Variants in GALNTL6 observed in about 807,000 individuals in gnomAD.
GALNTL6 encodes polypeptide N-acetylgalactosaminyltransferase-like 6.
A neutral mutation model predicts 73.7 loss-of-function variants in GALNTL6; 46 were observed. That is an observed-to-expected ratio of 0.62 (90% CI 0.49 to 0.80). The LOEUF is 0.80. Ranked by LOEUF, GALNTL6 falls within the 30% of genes least tolerant of loss-of-function variation. The probability of loss-of-function intolerance (pLI) is 0.00; values close to 1 mark genes in which losing one functional copy is unlikely to be tolerated. For synonymous variants in GALNTL6, 259 were observed against 263.7 expected, an observed-to-expected ratio of 0.98 and a Z score of 0.17; for missense variants, 604 against 755.0, an observed-to-expected ratio of 0.80 and a Z score of 2.34.
intron 2 of GALNTL6, among the ~76,000 whole-genome samples, chr4:171,948,254 G>T (rs1444002037): frequency 6.6e-6 from 1 of 152,122 alleles, no homozygotes; most frequent in Non-Finnish European, 1.5e-5. Context: ...AAACCACTTT[G>T]GGGTATGAGT....
chr4:172,707,282 T>G (rs553301079), intron 5 of GALNTL6, among the ~76,000 whole-genome samples: 66 of 152,308 alleles, frequency 4.3e-4, no homozygotes, highest in Admixed American at 1.6e-3. Context: ...TTTAAAAATT[T>G]TCTCAGAAGA....
intron 5 of GALNTL6, among the ~76,000 whole-genome samples, chr4:172,400,507 A>T (rs1404823543): frequency 6.6e-6 from 1 of 152,164 alleles, no homozygotes; most frequent in Non-Finnish European, 1.5e-5. Context: ...GTATGTTAAA[A>T]ATGCATGTTA....
chr4:172,606,564 T>C (rs28676721), intron 5 of GALNTL6, among the ~76,000 whole-genome samples: 82,289 of 135,674 alleles, frequency 0.61, 25,587 homozygotes, highest in Non-Finnish European at 0.64. Context: ...TATATATATA[T>C]ACATATACAT....
chr4:172,470,809 A>G (rs879819588), intron 5 of GALNTL6, among the ~76,000 whole-genome samples: 35 of 152,174 alleles, frequency 2.3e-4, no homozygotes, highest in African/African-American at 7.2e-5. Flanking sequence ...CATGAGATAT[A>G]TAACCTTCAT....
chr4:172,479,294 A>C (rs1036460245), intron 5 of GALNTL6, among the ~76,000 whole-genome samples: 1 of 145,630 alleles, frequency 6.9e-6, no homozygotes, highest in Non-Finnish European at 1.5e-5. Context: ...GAATGAATAA[A>C]GACAATGAGA....
chr4:172,353,475 G>A (rs777161647), intron 5 of GALNTL6, among the ~76,000 whole-genome samples: 10 of 152,030 alleles, frequency 6.6e-5, no homozygotes, highest in African/African-American at 1.2e-4. Flanking sequence ...TTTATGTAAC[G>A]TTAATTGTTA....
At chr4:172,395,849 A>G (rs953196304) in intron 5 of GALNTL6, among the ~76,000 whole-genome samples, 3 of 152,194 alleles carry the variant, frequency 2.0e-5, no homozygotes, top group Admixed American at 6.5e-5. Flanking sequence ...TAATTAATTA[A>G]TGTATAATTA....
chr4:171,869,111 T>G (rs1379423536), intron 2 of GALNTL6, among the ~76,000 whole-genome samples: 1 of 152,180 alleles, frequency 6.6e-6, no homozygotes, highest in Non-Finnish European at 1.5e-5. Flanking sequence ...CCTCAGTTGG[T>G]ATAGCTAAAA....
At chr4:172,404,880 C>T (rs746897905) in intron 5 of GALNTL6, among the ~76,000 whole-genome samples, 23 of 152,024 alleles carry the variant, frequency 1.5e-4, no homozygotes, top group Non-Finnish European at 3.1e-4. Context: ...CAGCAGTGTT[C>T]TTGCAGTAAA....
At chr4:171,847,963 G>T (rs887266379) in intron 2 of GALNTL6, among the ~76,000 whole-genome samples, 4 of 152,118 alleles carry the variant, frequency 2.6e-5, no homozygotes, top group Non-Finnish European at 4.4e-5. Context: ...ATCTAGAATG[G>T]TGAATCCTTT....
At chr4:172,340,418 A>G (rs2111199652) in intron 4 of GALNTL6, among the ~76,000 whole-genome samples, 1 of 152,254 alleles carries the variant, frequency 6.6e-6, no homozygotes, top group East Asian at 1.9e-4. Context: ...GGATTCTTGC[A>G]TCTATGTTCA....
Position 172,325,310 on chromosome 4 carries a change from A to G in GALNTL6, c.386+13558A>G, listed in dbSNP as rs80220864. 2.1e-3 allele frequency among the ~76,000 whole-genome samples: 313 copies of G among 152,090 alleles called. 2 individuals are homozygous for G. Among genetic ancestry groups the G allele is most frequent in the African/African-American group, 6.4e-3 (267 of 41,578 alleles). ...AGCAGAAAATTCAAATATCTGTGGA[A>G]CTATAAAACATTAAATTTGTAATTA... is the stretch of plus-strand genomic sequence containing the variant. On this transcript the variant is annotated intron_variant, in intron 4 of 12. Transcript: ENST00000506823.
chr4:172,124,520 A>T (rs1733243207), intron 2 of GALNTL6, among the ~76,000 whole-genome samples: 1 of 152,250 alleles, frequency 6.6e-6, no homozygotes, highest in Admixed American at 6.5e-5. Context: ...CAAAATAAAT[A>T]AAGTACATGA....
chr4:172,833,489 C>G (rs973318617), intron 7 of GALNTL6, among the ~76,000 whole-genome samples: 1 of 152,142 alleles, frequency 6.6e-6, no homozygotes, highest in African/African-American at 2.4e-5. Flanking sequence ...TTCACCCCTC[C>G]ATAGCTCCAA....
chr4:172,113,873 A>G (rs1195756803), intron 2 of GALNTL6, among the ~76,000 whole-genome samples: 3 of 152,036 alleles, frequency 2.0e-5, no homozygotes, highest in Non-Finnish European at 4.4e-5. Flanking sequence ...TTTCCTTGTT[A>G]AATGTCGAAC....
chr4:172,174,003 T>C (rs1387731601), intron 2 of GALNTL6, among the ~76,000 whole-genome samples: 1 of 152,192 alleles, frequency 6.6e-6, no homozygotes, highest in African/African-American at 2.4e-5. Context: ...GTGCAAGTCA[T>C]TGAAGGATTT....
At chr4:172,941,761 A>C (rs1390349562) in intron 9 of GALNTL6, among the ~76,000 whole-genome samples, 1 of 152,184 alleles carries the variant, frequency 6.6e-6, no homozygotes, top group Non-Finnish European at 1.5e-5. Context: ...AATCTCAATA[A>C]CCGAAAATGC....
intron 5 of GALNTL6, among the ~76,000 whole-genome samples, chr4:172,349,090 A>G (rs1054272866): frequency 6.6e-6 from 1 of 152,202 alleles, no homozygotes; most frequent in Non-Finnish European, 1.5e-5. Context: ...AGTATGACAC[A>G]TACTCCAGGC....
chr4:172,825,171 A>G (rs1317983040), intron 7 of GALNTL6, among the ~76,000 whole-genome samples: 1 of 144,398 alleles, frequency 6.9e-6, no homozygotes. Context: ...CTTGGTATAG[A>G]TCCACCTGGA....
Sources: allele counts gnomAD v4.1 joint callset (sites outside exome capture counted in the v4.1 genomes callset), GRCh38; gene constraint gnomAD v4.1.1; transcripts MANE v1.5; gene names NCBI Gene and HGNC (gene_info 2026-07-23, HGNC 2026-07-21).